Variants in ZNF559 observed in about 807,000 individuals in gnomAD.
The protein encoded by ZNF559 is putative protein product of Nbla00121.
ZNF559 carries 17 observed loss-of-function variants against 14.2 expected under a neutral mutation model. That is an observed-to-expected ratio of 1.20 (90% CI 0.82 to 1.80). The LOEUF is 1.80. Among genes scored for constraint, ZNF559 ranks in the 40% most tolerant of loss-of-function variants. ZNF559 has a pLI of 0.00. For missense variants in ZNF559, 740 were observed against 629.7 expected (o/e 1.18, Z -1.88); for synonymous variants, 244 against 212.4 (o/e 1.15, Z -1.29).
chr19:9,336,201 T>A (rs998995360), intron 2 of ZNF559, among the ~76,000 whole-genome samples: 2 of 152,216 alleles, frequency 1.3e-5, no homozygotes, highest in Non-Finnish European at 2.9e-5. Flanking sequence ...TCTGTAAATA[T>A]ACATTTATAT....
intron 2 of ZNF559, among the ~76,000 whole-genome samples, chr19:9,328,159 T>C (rs932619275): frequency 3.9e-5 from 6 of 152,140 alleles, no homozygotes; most frequent in Non-Finnish European, 8.8e-5. Context: ...CTAATGACAC[T>C]GATATATTAT....
Position 9,335,191 on chromosome 19 carries a change from C to G in ZNF559, c.-119-2605C>G, listed in dbSNP as rs1053874346. On this transcript the variant is annotated intron_variant, in intron 2 of 6. Coordinates refer to ENST00000603380, the MANE Select transcript of ZNF559 (RefSeq NM_032497.3). ...GGTGGCTCACACCGGTAATCCAGCA[C>G]GTTGGGAGGTCAAGGCGGGAGGATC... Among the ~76,000 whole-genome samples the G allele has an allele frequency of 2.6e-5, 4 of 151,708 alleles. No individual in the cohort carries two copies. In the East Asian group the frequency reaches 7.7e-4, roughly 29 times the overall value.
intron 6 of ZNF559, 58 bp downstream of exon 6, chr19:9,341,242 C>G: frequency 6.6e-7 from 1 of 1,519,530 alleles, no homozygotes; most frequent in Non-Finnish European, 9.1e-7. Flanking sequence ...TTGGAAATTC[C>G]TTAAAATGGA....
chr19:9,338,601 T>C lies in ZNF559; in HGVS notation c.33+19T>C. On this transcript the variant is annotated intron_variant, in intron 4 of 6. Coordinates refer to ENST00000603380, the MANE Select transcript of ZNF559 (RefSeq NM_032497.3). ...CTCTCAGGTAAGTAGGAAATTGCTT[T>C]TTCTGTAGAAGCATATGCTTCTTCC... The C allele has an allele frequency of 1.3e-6, 2 of 1,582,752 alleles. No individual in the cohort carries two copies. Among genetic ancestry groups the C allele is most frequent in the Non-Finnish European group, 1.7e-6 (2 of 1,151,542 alleles).
At chr19:9,324,107 C>T, upstream of ZNF559, 11 of 1,510,610 alleles carry the variant, frequency 7.3e-6, no homozygotes, top group Non-Finnish European at 9.8e-6. Context: ...AGCTGATGGG[C>T]CCGGGAACCC....
At position 9,339,449 on chromosome 19, in the gene ZNF559, G is replaced by C. The variant is rs2067422296; in HGVS notation, c.160+130G>C. 3 of 1,055,668 alleles carry C rather than the reference G, an allele frequency of 2.8e-6. No individual in the cohort carries two copies. In the African/African-American group the frequency reaches 4.8e-5, roughly 17 times the overall value. The allele number at this position is 1,055,668 out of a possible 1,614,324, so 65.4% of individuals were successfully genotyped here. On this transcript the variant is annotated intron_variant, in intron 5 of 6. Transcript: ENST00000603380. The stretch of plus-strand genomic sequence containing the variant: ...GGCGAAACATTGTTTCCATCTCATA[G>C]ACCTTACTGCCTTGTGATTTTTCTG...
chr19:9,339,766 ACTTTTTT>A (rs2067443853), intron 5 of ZNF559, among the ~76,000 whole-genome samples: 1 of 96,028 alleles, frequency 1.0e-5, no homozygotes. Flanking sequence ...CACATTCTTT[ACTTTTTT>A]TTTTTTTTTT....
At chr19:9,335,961 G>T (rs1363976693) in intron 2 of ZNF559, among the ~76,000 whole-genome samples, 1 of 152,246 alleles carries the variant, frequency 6.6e-6, no homozygotes, top group African/African-American at 2.4e-5. Flanking sequence ...GGGCTCTGCT[G>T]TAGCAGCATG....
chr19:9,331,691 G>C (rs1456963885), intron 2 of ZNF559, among the ~76,000 whole-genome samples: 2 of 152,186 alleles, frequency 1.3e-5, no homozygotes, highest in Non-Finnish European at 2.9e-5. Flanking sequence ...ACTGTTCTCA[G>C]TTTGTGCTCC....
rs904074002 is a variant in ZNF559 at position 9,328,348 on chromosome 19, C to CTTTTTTTTTTTTT, written c.-120+3580_-120+3592dup. On this transcript the variant is annotated intron_variant, in intron 2 of 6. Coordinates refer to ENST00000603380, the MANE Select transcript of ZNF559 (RefSeq NM_032497.3). ...TTGACATACTATTAGGCTTGTTTGTCTTTTTTTTTTTTTTTTTTTTTTTTG... is the reference window on the plus strand; with the variant it reads ...TTGACATACTATTAGGCTTGTTTGTCTTTTTTTTTTTTTTTTTTTTTTTTTTTTTTTTTTTTTG... Among the ~76,000 whole-genome samples, 13 of 60,984 alleles carry CTTTTTTTTTTTTT rather than the reference C, an allele frequency of 2.1e-4. 1 individual carries two copies. Among genetic ancestry groups the CTTTTTTTTTTTTT allele is most frequent in the African/African-American group, 8.5e-4 (12 of 14,180 alleles). 40.0% of individuals were successfully genotyped at this position (60,984 alleles called of 152,430 possible).
At position 9,341,936 on chromosome 19, in the gene ZNF559, T is replaced by G; in HGVS notation, c.485T>G (p.Leu162Arg). 1 of 1,613,772 alleles carries G rather than the reference T, an allele frequency of 6.2e-7. No individual in the cohort carries two copies. Among genetic ancestry groups the G allele is most frequent in the Non-Finnish European group, 8.5e-7 (1 of 1,179,918 alleles). Residue 162 changes from leucine (L) to arginine (R), a missense_variant, in exon 7 of 7, where the codon CTT becomes CGT. Physicochemically the swap from Leu to Arg is moderately radical, Grantham distance 102. Transcript: ENST00000603380. The part of the protein sequence containing the change: ...CETAFSQHLH[L>R]VCKKTSQNLH... ...ACAGCCTTCAGCCAACATCTACATCTTGTTTGCAAGAAAACTAGCCAAAAT... is the reference window on the plus strand; with the variant it reads ...ACAGCCTTCAGCCAACATCTACATCGTGTTTGCAAGAAAACTAGCCAAAAT...
In ZNF559 at chr19:9,345,357, A is replaced by C. The variant is rs1394217791; in HGVS notation, c.*2289A>C. 6.6e-6 allele frequency: 1 copy of C among 152,224 alleles called. No homozygotes were observed. Among genetic ancestry groups the C allele is most frequent in the African/African-American group, 2.4e-5 (1 of 41,472 alleles). The allele number at this position is 152,224 out of a possible 1,614,324, so 9.4% of individuals were successfully genotyped here. ...CAGATCATATGTTAGTGTACGTTTAAGTTTTTAAGAGACTGCTAAACCTTT... is the reference window on the plus strand; with the variant it reads ...CAGATCATATGTTAGTGTACGTTTACGTTTTTAAGAGACTGCTAAACCTTT... On this transcript the variant is annotated 3_prime_UTR_variant, in exon 7 of 7. Coordinates refer to ENST00000603380, the MANE Select transcript of ZNF559 (RefSeq NM_032497.3).
chr19:9,337,056 A>G (rs1012953354), intron 2 of ZNF559, among the ~76,000 whole-genome samples: 3 of 152,230 alleles, frequency 2.0e-5, no homozygotes, highest in African/African-American at 4.8e-5. Context: ...ACAGTGCTTA[A>G]TTCTCCTAGT....
Position 9,324,627 on chromosome 19 carries a change from C to CCA in ZNF559, c.-205-67_-205-66insAC, listed in dbSNP as rs1555726711. 1.7e-5 allele frequency: 18 copies of CCA among 1,053,656 alleles called. No individual in the cohort carries two copies. In the South Asian group the frequency reaches 2.2e-4, roughly 13 times the overall value. 65.3% of individuals were successfully genotyped at this position (1,053,656 alleles called of 1,614,324 possible). On this transcript the variant is annotated intron_variant, in intron 1 of 6. Coordinates refer to ENST00000603380, the MANE Select transcript of ZNF559 (RefSeq NM_032497.3). The stretch of plus-strand genomic sequence containing the variant: ...AGGGCAACATAGGGAGACCCCCCCC[C>CCA]CCAACCATCTCTAATGGAAAAAAAA...
Position 9,343,471 on chromosome 19 carries a change from C to A in ZNF559, c.*403C>A. The A allele has an allele frequency of 1.9e-6, 2 of 1,028,682 alleles. No homozygotes were observed. Among genetic ancestry groups the A allele is most frequent in the Non-Finnish European group, 2.3e-6 (2 of 855,408 alleles). The allele number at this position is 1,028,682 out of a possible 1,614,324, so 63.7% of individuals were successfully genotyped here. On this transcript the variant is annotated 3_prime_UTR_variant, in exon 7 of 7. Coordinates refer to ENST00000603380, the MANE Select transcript of ZNF559 (RefSeq NM_032497.3). Reference sequence around the variant, plus strand: ...TTGGATATAAATGCACGTCCTCTGGCTGTAAGGAATGTGTTGAAACCTTTC... The same window carrying A: ...TTGGATATAAATGCACGTCCTCTGGATGTAAGGAATGTGTTGAAACCTTTC...
chr19:9,326,614 C>T (rs1263674647), intron 2 of ZNF559, among the ~76,000 whole-genome samples: 1 of 151,908 alleles, frequency 6.6e-6, no homozygotes. Context: ...ATTTTAGTAG[C>T]CAAATTAGAA....
chr19:9,342,446 A>G lies in ZNF559; in HGVS notation c.995A>G (p.Lys332Arg), dbSNP rs1450859191. 2 of 1,614,054 alleles carry G rather than the reference A, an allele frequency of 1.2e-6. No individual in the cohort carries two copies. Among genetic ancestry groups the G allele is most frequent in the Non-Finnish European group, 1.7e-6 (2 of 1,180,044 alleles). ...EKPYECNKCG[K>R]AFTDSSGLIK... ...CCGTATGAGTGCAACAAATGTGGGA[A>G]AGCCTTCACTGATTCATCAGGTCTT... Residue 332 changes from lysine to arginine, a missense_variant, in exon 7 of 7, where the codon AAA (lysine) becomes AGA (arginine). Transcript: ENST00000603380.
rs113637299 is a variant in ZNF559, at chr19:9,324,365, TCTC to T, written c.-206+139_-206+141del. 9.7e-3 allele frequency: 14,606 copies of T among 1,500,720 alleles called. 877 individuals are homozygous for T. In the African/African-American group the frequency reaches 0.15, roughly 16 times the overall value. The allele number at this position is 1,500,720 out of a possible 1,614,324, so 93.0% of individuals were successfully genotyped here. A position where few individuals can be genotyped will look rare whatever the true frequency, so the allele number is the denominator to read the frequency against. ...CGGGCATTTCGAGCATCTTGTGGGC[TCTC>T]CCAAGTCGCGGCCCCTCCTCTGAGA... On this transcript the variant is annotated intron_variant, in intron 1 of 6. Coordinates refer to ENST00000603380, the MANE Select transcript of ZNF559 (RefSeq NM_032497.3).
Position 9,342,171 on chromosome 19 carries a change from C to T in ZNF559, c.720C>T (p.Phe240=), listed in dbSNP as rs1413236061. 1 of 1,609,800 alleles carries T rather than the reference C, an allele frequency of 6.2e-7. No individual in the cohort carries two copies. The highest frequency in any genetic ancestry group is 1.1e-5 in the South Asian group (1 of 90,034). Residue 240 remains phenylalanine (F), a synonymous_variant, in exon 7 of 7, where the codon TTC becomes TTT. Transcript: ENST00000603380. ...TGCAAACTCAAGATGGAGAAAAATT[C>T]TATGAATGTAAAGCATGTGGGAAAC... is the stretch of plus-strand genomic sequence containing the variant. ...VHMQTQDGEK[F]YECKACGKPF...
Sources: gnomAD v4.1 joint callset for allele counts (sites outside exome capture counted in the v4.1 genomes callset) on GRCh38, gnomAD v4.1.1 for gene constraint, MANE v1.5 for transcripts, NCBI Gene and HGNC (gene_info 2026-07-23, HGNC 2026-07-21) for gene names.